The following MDFIC2 variants were observed in gnomAD, a reference collection of about 807,000 sequenced individuals.
MDFIC2 encodes the protein myoD family inhibitor domain-containing protein 2.
At chr3:70,212,404 A>C (rs1701360354) in intron 2 of MDFIC2, among the ~76,000 whole-genome samples, 1 of 152,126 alleles carries the variant, frequency 6.6e-6, no homozygotes, top group South Asian at 2.1e-4. Context: ...TTCACAGTTC[A>C]ATTTGTCTTT....
chr3:70,260,950 T>C (rs1332164825), intron 2 of MDFIC2, among the ~76,000 whole-genome samples: 3 of 152,196 alleles, frequency 2.0e-5, no homozygotes, highest in Admixed American at 2.0e-4. Flanking sequence ...GGAAGATAAG[T>C]GATTTTCTCA....
At chr3:70,254,189 T>G (rs1452339620) in intron 2 of MDFIC2, among the ~76,000 whole-genome samples, 2 of 152,118 alleles carry the variant, frequency 1.3e-5, no homozygotes, top group African/African-American at 4.8e-5. Flanking sequence ...TGATAAAACA[T>G]TAGTGTCAAT....
intron 2 of MDFIC2, among the ~76,000 whole-genome samples, chr3:70,254,985 C>A (rs1364189505): frequency 6.6e-6 from 1 of 152,118 alleles, no homozygotes; most frequent in African/African-American, 2.4e-5. Context: ...CAGTAATAGA[C>A]TGATGGACAT....
intron 2 of MDFIC2, among the ~76,000 whole-genome samples, chr3:70,282,873 G>A (rs978914342): frequency 1.3e-5 from 2 of 152,136 alleles, no homozygotes; most frequent in African/African-American, 4.8e-5. Context: ...AATATTTGTA[G>A]AATTCATGAA....
At chr3:70,230,715 T>C (rs1349382583) in intron 2 of MDFIC2, among the ~76,000 whole-genome samples, 1 of 152,204 alleles carries the variant, frequency 6.6e-6, no homozygotes, top group Non-Finnish European at 1.5e-5. Flanking sequence ...CTGTAAGTGG[T>C]GGTTTGTCTG....
intron 2 of MDFIC2, among the ~76,000 whole-genome samples, chr3:70,208,313 G>A (rs1023109394): frequency 5.3e-5 from 8 of 152,016 alleles, no homozygotes; most frequent in African/African-American, 1.9e-4. Context: ...TGGCAACCTG[G>A]TTTGATTTTA....
At chr3:70,216,362 T>G (rs1240388956) in intron 2 of MDFIC2, among the ~76,000 whole-genome samples, 2 of 151,470 alleles carry the variant, frequency 1.3e-5, no homozygotes, top group Non-Finnish European at 2.9e-5. Context: ...TAGATGTCAT[T>G]CATTTTTCTA....
At chr3:70,247,084 C>G (rs1370381796) in intron 2 of MDFIC2, among the ~76,000 whole-genome samples, 2 of 152,028 alleles carry the variant, frequency 1.3e-5, no homozygotes, top group Non-Finnish European at 2.9e-5. Flanking sequence ...GAATGCCAAT[C>G]ATAGTACCAA....
intron 2 of MDFIC2, among the ~76,000 whole-genome samples, chr3:70,295,561 G>A (rs897111940): frequency 6.6e-6 from 1 of 152,096 alleles, no homozygotes; most frequent in Non-Finnish European, 1.5e-5. Context: ...AAATGAGCCA[G>A]GCTTGGTGGT....
chr3:70,232,058 A>G (rs1462725745), intron 2 of MDFIC2, among the ~76,000 whole-genome samples: 3 of 152,254 alleles, frequency 2.0e-5, no homozygotes, highest in African/African-American at 7.2e-5. Context: ...TCACTTTGTT[A>G]TTCTGACATA....
chr3:70,226,653 G>T (rs1440039978), intron 2 of MDFIC2, among the ~76,000 whole-genome samples: 1 of 150,948 alleles, frequency 6.6e-6, no homozygotes, highest in Non-Finnish European at 1.5e-5. Flanking sequence ...CAGGAGAATT[G>T]CTTGAGCCTG....
intron 2 of MDFIC2, among the ~76,000 whole-genome samples, chr3:70,239,326 C>G (rs1265260640): frequency 2.0e-5 from 3 of 152,152 alleles, no homozygotes; most frequent in Non-Finnish European, 4.4e-5. Context: ...AAGTCTTACC[C>G]TAGCTATTAG....
chr3:70,297,317 A>T lies in MDFIC2; in HGVS notation c.88+14569T>A, dbSNP rs576362369. Reference sequence around the variant, plus strand: ...CTTAAATAAGCTGGGGAAAGTTCAGATAGATAGAGATTGTGAGATGCTTGC... The same window carrying T: ...CTTAAATAAGCTGGGGAAAGTTCAGTTAGATAGAGATTGTGAGATGCTTGC... On this transcript the variant is annotated intron_variant, in intron 2 of 3. Coordinates refer to ENST00000567252, the MANE Select transcript of MDFIC2 (RefSeq NM_001364677.1). 1.6e-4 allele frequency among the ~76,000 whole-genome samples: 24 copies of T among 152,234 alleles called. No individual in the cohort carries two copies. In the East Asian group the frequency reaches 4.6e-3, roughly 29 times the overall value.
intron 2 of MDFIC2, among the ~76,000 whole-genome samples, chr3:70,234,336 A>T (rs1281670120): frequency 1.3e-5 from 2 of 152,204 alleles, no homozygotes; most frequent in African/African-American, 4.8e-5. Context: ...TGGGATAAAA[A>T]GCAAACAGTA....
intron 2 of MDFIC2, among the ~76,000 whole-genome samples, chr3:70,258,095 G>T (rs940645740): frequency 6.6e-6 from 1 of 152,108 alleles, no homozygotes; most frequent in African/African-American, 2.4e-5. Flanking sequence ...AAAGTTAAAT[G>T]AATCCCAACT....
At chr3:70,210,601 A>G (rs866559055) in intron 2 of MDFIC2, among the ~76,000 whole-genome samples, 6 of 152,180 alleles carry the variant, frequency 3.9e-5, no homozygotes, top group African/African-American at 1.2e-4. Context: ...AAGTAGAAAC[A>G]TAAAAAGTAG....
At chr3:70,285,052 C>A (rs971183773) in intron 2 of MDFIC2, among the ~76,000 whole-genome samples, 1 of 146,050 alleles carries the variant, frequency 6.8e-6, no homozygotes, top group Non-Finnish European at 1.5e-5. Context: ...TTTTTTTTAA[C>A]TTTTTTTTTC....
At chr3:70,263,255 T>C (rs1053060920) in intron 2 of MDFIC2, among the ~76,000 whole-genome samples, 1 of 152,188 alleles carries the variant, frequency 6.6e-6, no homozygotes, top group Non-Finnish European at 1.5e-5. Flanking sequence ...ATGCTGGGTA[T>C]TATAAATTTT....
At position 70,284,191 on chromosome 3, in the gene MDFIC2, A is replaced by G. The variant is rs540852873; in HGVS notation, c.88+27695T>C. Among the ~76,000 whole-genome samples the G allele has an allele frequency of 2.0e-5, 3 of 152,274 alleles. No individual in the cohort carries two copies. The South Asian group carries it at 6.2e-4, about 32-fold the overall frequency. ...TCATTTATAGGTTTTATCTAATTAG[A>G]GAGACTTAATGAATATTAACTACCA... On this transcript the variant is annotated intron_variant, in intron 2 of 3. Coordinates refer to ENST00000567252, the MANE Select transcript of MDFIC2 (RefSeq NM_001364677.1).
Sources: gnomAD v4.1 joint callset for allele counts (sites outside exome capture counted in the v4.1 genomes callset) on GRCh38, gnomAD v4.1.1 for gene constraint, MANE v1.5 for transcripts, NCBI Gene and HGNC (gene_info 2026-07-23, HGNC 2026-07-21) for gene names.